Variants in GALNTL6 observed in about 807,000 individuals in gnomAD.
GALNTL6 encodes polypeptide N-acetylgalactosaminyltransferase like 6.
GALNTL6 carries 46 observed loss-of-function variants against 73.7 expected under a neutral mutation model. The ratio of observed to expected loss-of-function variants is 0.62; its 90% CI spans 0.49 to 0.80. GALNTL6 has a LOEUF of 0.80. Among genes scored for constraint, GALNTL6 ranks in the 30% least tolerant of loss-of-function variants. The pLI, the probability that GALNTL6 is intolerant of heterozygous loss-of-function variation, is 0.00. For missense variants in GALNTL6, 604 were observed against 755.0 expected (o/e 0.80, Z 2.34); for synonymous variants, 259 against 263.7 (o/e 0.98, Z 0.17).
intron 2 of GALNTL6, among the ~76,000 whole-genome samples, chr4:171,967,401 C>G (rs1267596266): frequency 6.8e-6 from 1 of 146,764 alleles, no homozygotes; most frequent in South Asian, 2.1e-4. Flanking sequence ...TTAACATCAA[C>G]AATAACAAGT....
At chr4:172,029,174 A>C (rs553067533) in intron 2 of GALNTL6, among the ~76,000 whole-genome samples, 17 of 152,104 alleles carry the variant, frequency 1.1e-4, no homozygotes, top group African/African-American at 3.8e-4. Flanking sequence ...AATCTATATA[A>C]GGGAATCTAT....
rs1342914554 is a variant in GALNTL6, at chr4:173,026,463, TAAGCAGAGAGA to T, written c.1638+4839_1638+4849del. Among the ~76,000 whole-genome samples, 4 of 152,164 alleles carry T rather than the reference TAAGCAGAGAGA, an allele frequency of 2.6e-5. No individual in the cohort carries two copies. The East Asian group carries it at 5.8e-4, about 22-fold the overall frequency. ...CATTCTTAAGGCCGGAGAAAGTCCTTAAGCAGAGAGATGCAGTGACATCCGGGCCAGCATGC... is the reference window on the plus strand; with the variant it reads ...CATTCTTAAGGCCGGAGAAAGTCCTTTGCAGTGACATCCGGGCCAGCATGC... On this transcript the variant is annotated intron_variant, in intron 12 of 12. Transcript: ENST00000506823.
chr4:171,815,090 C>T (rs1734490086), intron 2 of GALNTL6: 1 of 334,706 alleles, frequency 3.0e-6, no homozygotes, highest in East Asian at 5.0e-5. Context: ...TTCCATTTGG[C>T]ATGCATGTCT....
chr4:172,754,845 A>G (rs1205845528), intron 5 of GALNTL6, among the ~76,000 whole-genome samples: 3 of 48,878 alleles, frequency 6.1e-5, no homozygotes, highest in Non-Finnish European at 2.4e-4. Context: ...ACTTCCACCA[A>G]AAAAAAAAAA....
intron 5 of GALNTL6, among the ~76,000 whole-genome samples, chr4:172,449,125 A>G (rs905793643): frequency 2.0e-5 from 3 of 152,074 alleles, no homozygotes; most frequent in African/African-American, 4.8e-5. Context: ...CTTTTTTACA[A>G]TAGTGAAAAT....
chr4:172,747,885 C>T (rs1374956498), intron 5 of GALNTL6, among the ~76,000 whole-genome samples: 1 of 146,604 alleles, frequency 6.8e-6, no homozygotes, highest in African/African-American at 2.5e-5. Flanking sequence ...TTTGTGACAA[C>T]TAGATGAACC....
intron 5 of GALNTL6, among the ~76,000 whole-genome samples, chr4:172,418,937 T>C (rs1405892268): frequency 1.9e-5 from 1 of 51,792 alleles, no homozygotes; most frequent in East Asian, 4.5e-4. Context: ...AAAAGTAGTT[T>C]TCTACGAGAT....
chr4:172,767,014 A>G (rs934928539), intron 5 of GALNTL6, among the ~76,000 whole-genome samples: 2 of 152,230 alleles, frequency 1.3e-5, no homozygotes. Context: ...AGAACCCAGA[A>G]CGATGTTCCT....
chr4:172,901,379 T>C (rs1438704910), intron 8 of GALNTL6, among the ~76,000 whole-genome samples: 1 of 152,156 alleles, frequency 6.6e-6, no homozygotes, highest in Non-Finnish European at 1.5e-5. Flanking sequence ...AAATAGAAGA[T>C]AAAAATCAAA....
chr4:172,370,226 G>A (rs1240841809), intron 5 of GALNTL6, among the ~76,000 whole-genome samples: 2 of 152,098 alleles, frequency 1.3e-5, no homozygotes, highest in East Asian at 1.9e-4. Flanking sequence ...CTCATTTGGG[G>A]TTCCATTTGT....
At chr4:171,917,077 A>T (rs906609452) in intron 2 of GALNTL6, among the ~76,000 whole-genome samples, 6 of 152,064 alleles carry the variant, frequency 3.9e-5, no homozygotes, top group African/African-American at 1.4e-4. Flanking sequence ...CATTTTTATG[A>T]TTCACATTTC....
intron 5 of GALNTL6, among the ~76,000 whole-genome samples, chr4:172,682,209 T>A (rs978132483): frequency 6.6e-6 from 1 of 152,082 alleles, no homozygotes; most frequent in South Asian, 2.1e-4. Flanking sequence ...TGCCTAAAGA[T>A]TTGTTCTTCG....
intron 9 of GALNTL6, among the ~76,000 whole-genome samples, chr4:172,948,462 TTTTC>T (rs1211270419): frequency 6.6e-6 from 1 of 151,982 alleles, no homozygotes; most frequent in Non-Finnish European, 1.5e-5. Context: ...GCTGTTTTGT[TTTTC>T]TTTGAGACAG....
chr4:172,891,960 C>T (rs192777458), intron 8 of GALNTL6, among the ~76,000 whole-genome samples: 9 of 152,110 alleles, frequency 5.9e-5, no homozygotes, highest in African/African-American at 1.2e-4. Context: ...TTTTCAATTC[C>T]GGAAGTTCAG....
At chr4:172,380,313 G>A (rs1743233170) in intron 5 of GALNTL6, 3 of 738,104 alleles carry the variant, frequency 4.1e-6, no homozygotes, top group Admixed American at 3.5e-5. Flanking sequence ...TATTCTTCTG[G>A]AAGAAATAGT....
chr4:172,686,563 T>G (rs1461640022), intron 5 of GALNTL6, among the ~76,000 whole-genome samples: 1 of 152,182 alleles, frequency 6.6e-6, no homozygotes, highest in East Asian at 1.9e-4. Context: ...CAAGCAAATT[T>G]CCATGCAAGA....
In GALNTL6 at chr4:172,837,984, G is replaced by A. The variant is rs183543247; in HGVS notation, c.923+24261G>A. On this transcript the variant is annotated intron_variant, in intron 7 of 12. Coordinates refer to ENST00000506823, the MANE Select transcript of GALNTL6 (RefSeq NM_001034845.3). ...GAGCACAAAGGTAGTGTATCTCAGT[G>A]CAACTGTTTTTTATTATTTTTTTCT... 2.0e-5 allele frequency among the ~76,000 whole-genome samples: 3 copies of A among 152,296 alleles called. No homozygotes were observed. In the East Asian group the frequency reaches 5.8e-4, roughly 29 times the overall value.
At chr4:172,688,256 C>A (rs1399787136) in intron 5 of GALNTL6, among the ~76,000 whole-genome samples, 2 of 152,308 alleles carry the variant, frequency 1.3e-5, no homozygotes, top group South Asian at 4.1e-4. Context: ...TGCTACTTTG[C>A]CCAAGTTTGG....
chr4:172,149,073 A>G (rs895838200), intron 2 of GALNTL6, among the ~76,000 whole-genome samples: 4 of 152,348 alleles, frequency 2.6e-5, no homozygotes, highest in African/African-American at 9.6e-5. Flanking sequence ...CTTATTTGTT[A>G]GATAGCAGAA....
Sources: allele counts gnomAD v4.1 joint callset (sites outside exome capture counted in the v4.1 genomes callset), GRCh38; gene constraint gnomAD v4.1.1; transcripts MANE v1.5; gene names NCBI Gene and HGNC (gene_info 2026-07-23, HGNC 2026-07-21).